The following CRB1 variants were observed in gnomAD, a reference collection of about 807,000 sequenced individuals.
The protein encoded by CRB1 is crumbs cell polarity complex component 1.
Under a neutral mutation model 120.0 loss-of-function variants are expected in CRB1, and 83 were observed. The observed-to-expected ratio is 0.69, with a 90% CI of 0.58 to 0.83. The LOEUF is 0.83. CRB1 is among the 40% of genes least tolerant of loss of function. CRB1 has a pLI of 0.00. For missense variants in CRB1, 1,699 were observed against 1,687.6 expected, an observed-to-expected ratio of 1.01 and a Z score of -0.12; for synonymous variants, 625 against 612.5, an observed-to-expected ratio of 1.02 and a Z score of -0.30.
the CRB1 span, among the ~76,000 whole-genome samples, chr1:197,225,148 C>T: frequency 6.6e-6 from 1 of 151,762 alleles, no homozygotes; most frequent in Non-Finnish European, 1.5e-5. Context: ...TGTCCAAGTC[C>T]ATACAATTAA....
At chr1:197,303,098 C>A (rs1343177526) in intron 1 of CRB1, among the ~76,000 whole-genome samples, 5 of 149,932 alleles carry the variant, frequency 3.3e-5, no homozygotes, top group Non-Finnish European at 7.4e-5. Context: ...ATTAAGAGGC[C>A]AATTATTCTT....
chr1:197,438,547 ACAGAGCAGATTACCCT>A lies in CRB1; in HGVS notation c.3753_3768del (p.Ser1252GlnfsTer25). The A allele has an allele frequency of 6.2e-7, 1 of 1,612,166 alleles. No individual in the cohort carries two copies. The highest frequency in any genetic ancestry group is 8.5e-7 in the Non-Finnish European group (1 of 1,178,546). On this transcript the variant is annotated frameshift_variant and splice_region_variant, in exon 10 of 12. Coordinates refer to ENST00000367400, the MANE Select transcript of CRB1 (RefSeq NM_201253.3). LOFTEE classifies it high-confidence loss of function. ...GTGGCTCTTGCTTTTATCTCTCTAG[ACAGAGCAGATTACCCT>A]CAACAGTCTGTGGGAATGAGAAGAC...
chr1:197,382,785 GC>G (rs1354926923), intron 5 of CRB1, among the ~76,000 whole-genome samples: 3 of 152,172 alleles, frequency 2.0e-5, no homozygotes, highest in Non-Finnish European at 4.4e-5. Context: ...ACTGTTGCAT[GC>G]CCTGAAAATA....
At chr1:197,290,994 A>G (rs1028274478) in intron 1 of CRB1, among the ~76,000 whole-genome samples, 1 of 151,754 alleles carries the variant, frequency 6.6e-6, no homozygotes, top group Admixed American at 6.6e-5. Flanking sequence ...GAGAAATGAA[A>G]CTAAAATATA....
chr1:197,389,097 G>A (rs1200860825), intron 5 of CRB1, among the ~76,000 whole-genome samples: 1 of 152,086 alleles, frequency 6.6e-6, no homozygotes, highest in Non-Finnish European at 1.5e-5. Context: ...TGGAACCCTT[G>A]TGCATTGCTG....
intron 5 of CRB1, among the ~76,000 whole-genome samples, chr1:197,398,325 G>A (rs1211522052): frequency 6.6e-6 from 1 of 152,004 alleles, no homozygotes; most frequent in Non-Finnish European, 1.5e-5. Flanking sequence ...ATTTACTTAT[G>A]ACTCGTTTGT....
intron 11 of CRB1, among the ~76,000 whole-genome samples, chr1:197,453,911 ATAT>A (rs1666139636): frequency 2.8e-5 from 1 of 35,840 alleles, no homozygotes; most frequent in Non-Finnish European, 6.0e-5. Flanking sequence ...TTATTAATAT[ATAT>A]TATTGATATT....
chr1:197,267,581 C>T (rs1654682610), upstream of CRB1, among the ~76,000 whole-genome samples: 1 of 152,098 alleles, frequency 6.6e-6, no homozygotes, highest in African/African-American at 2.4e-5. Flanking sequence ...GAAAATAAAG[C>T]ATTCTGGTTT....
At position 197,415,092 on chromosome 1, in the gene CRB1, G is replaced by T. The variant is rs74576194; in HGVS notation, c.1172-5908G>T. Among the ~76,000 whole-genome samples, 112 of 152,078 alleles carry T rather than the reference G, an allele frequency of 7.4e-4. No individual in the cohort carries two copies. The East Asian group carries it at 0.02, about 27-fold the overall frequency. On this transcript the variant is annotated intron_variant, in intron 5 of 11. Coordinates refer to ENST00000367400, the MANE Select transcript of CRB1 (RefSeq NM_201253.3). ...ATCAAATTATTGACATTTTATGAAA[G>T]ATCAAATGCATAAATTTTAGCAATC...
intron 8 of CRB1, 127 bp downstream of exon 8, chr1:197,429,741 A>G (rs566358869): frequency 2.9e-4 from 288 of 1,003,416 alleles, no homozygotes; most frequent in Non-Finnish European, 4.0e-4. Flanking sequence ...TGTTTCCCCT[A>G]TGCGAGTAGG....
the CRB1 span, among the ~76,000 whole-genome samples, chr1:197,261,495 C>T: frequency 1.3e-5 from 2 of 152,178 alleles, no homozygotes; most frequent in Admixed American, 6.5e-5. Flanking sequence ...CAGAATAATA[C>T]ATAGAGTATC....
intron 1 of CRB1, among the ~76,000 whole-genome samples, chr1:197,313,074 AC>A (rs1657636375): frequency 6.6e-6 from 1 of 152,290 alleles, no homozygotes; most frequent in African/African-American, 2.4e-5. Flanking sequence ...GCCTCAGGAA[AC>A]CTACAATCAT....
chr1:197,242,568 A>T, the CRB1 span, among the ~76,000 whole-genome samples: 7 of 152,222 alleles, frequency 4.6e-5, no homozygotes, highest in East Asian at 9.7e-4. Context: ...GTGCTGCTGG[A>T]TTCCATTTGT....
the CRB1 span, among the ~76,000 whole-genome samples, chr1:197,246,932 CAGTG>C: frequency 6.6e-6 from 1 of 152,000 alleles, no homozygotes; most frequent in Non-Finnish European, 1.5e-5. Flanking sequence ...ATTTTATTAA[CAGTG>C]AGTAGAGTAC....
At chr1:197,242,502 G>A in the CRB1 span, among the ~76,000 whole-genome samples, 2 of 152,016 alleles carry the variant, frequency 1.3e-5, no homozygotes, top group African/African-American at 4.8e-5. Context: ...CATGTTGAAC[G>A]AGTCTTGCAT....
At chr1:197,379,975 A>C (rs770432729) in intron 5 of CRB1, among the ~76,000 whole-genome samples, 14 of 152,228 alleles carry the variant, frequency 9.2e-5, no homozygotes, top group Admixed American at 4.6e-4. Flanking sequence ...TTTTCATGAG[A>C]AAGTTTGTTT....
chr1:197,345,698 G>C (rs1288655152), intron 3 of CRB1, among the ~76,000 whole-genome samples: 1 of 151,690 alleles, frequency 6.6e-6, no homozygotes, highest in East Asian at 1.9e-4. Flanking sequence ...AGTAGAGATA[G>C]GGTTTCACCA....
intron 1 of CRB1, among the ~76,000 whole-genome samples, chr1:197,318,621 T>C (rs987899095): frequency 6.6e-6 from 1 of 152,156 alleles, no homozygotes; most frequent in Non-Finnish European, 1.5e-5. Context: ...AATTTTTAAA[T>C]GGATTTAAAA....
chr1:197,204,229 T>C, the CRB1 span, among the ~76,000 whole-genome samples: 2 of 152,244 alleles, frequency 1.3e-5, no homozygotes, highest in Non-Finnish European at 2.9e-5. Flanking sequence ...TTTTTGCAAT[T>C]GCAAATTGTG....
Sources: allele counts gnomAD v4.1 joint callset (sites outside exome capture counted in the v4.1 genomes callset), GRCh38; gene constraint gnomAD v4.1.1; transcripts MANE v1.5; gene names NCBI Gene and HGNC (gene_info 2026-07-23, HGNC 2026-07-21).